Variants in B4GALT3 observed in about 807,000 individuals in gnomAD.
B4GALT3 encodes the protein N-acetyllactosamine synthase.
Under a neutral mutation model 40.7 loss-of-function variants are expected in B4GALT3, and 29 were observed. The observed-to-expected ratio is 0.71, with a 90% CI of 0.53 to 0.97. B4GALT3 has a LOEUF of 0.97. B4GALT3 is among the 50% of genes least tolerant of loss of function. The probability of loss-of-function intolerance (pLI) is 0.00; values close to 1 mark genes in which losing one functional copy is unlikely to be tolerated. For synonymous variants in B4GALT3, 182 were observed against 203.9 expected, an observed-to-expected ratio of 0.89 and a Z score of 0.92; for missense variants, 390 against 522.3, an observed-to-expected ratio of 0.75 and a Z score of 2.47.
rs1234069488 is a variant in B4GALT3, at chr1:161,177,064, T to TACCTTTCCC, written c.-161+350_-161+358dup. 4 of 1,535,102 alleles carry TACCTTTCCC rather than the reference T, an allele frequency of 2.6e-6. No individual in the cohort carries two copies. In the South Asian group the frequency reaches 3.6e-5, roughly 14 times the overall value. On this transcript the variant is annotated intron_variant, in intron 1 of 7. Transcript: ENST00000319769. ...TGGGGGTGGCGTCCTCTACCTTTTC[T>TACCTTTCCC]ACCTTTCCCCTCTTCTAGCGGGGGT...
At chr1:161,173,256 G>A (rs911540252) in intron 6 of B4GALT3, among the ~76,000 whole-genome samples, 1 of 152,210 alleles carries the variant, frequency 6.6e-6, no homozygotes, top group African/African-American at 2.4e-5. Flanking sequence ...ACATGGAGCA[G>A]AGCCCCTCTC....
chr1:161,175,246 C>T lies in B4GALT3; in HGVS notation c.254-18G>A, dbSNP rs1442017102. On this transcript the variant is annotated intron_variant, in intron 3 of 7. Coordinates refer to ENST00000319769, the MANE Select transcript of B4GALT3 (RefSeq NM_003779.4). ...AGGACCCACTGTTGGGAAGGAATGG[C>T]AAGTAGAGGGATCAGAGGGGCAAAG... is the stretch of plus-strand genomic sequence containing the variant. 1.2e-6 allele frequency: 2 copies of T among 1,602,320 alleles called. No homozygotes were observed. The highest frequency in any genetic ancestry group is 1.7e-6 in the Non-Finnish European group (2 of 1,170,812).
At chr1:161,177,043 G>A in intron 1 of B4GALT3, 2 of 1,535,992 alleles carry the variant, frequency 1.3e-6, no homozygotes, top group Non-Finnish European at 8.7e-7. Context: ...GTAGGGTGGG[G>A]GTGGCGTCCT....
At position 161,172,920 on chromosome 1, in the gene B4GALT3, A is replaced by C. The variant is rs530452156; in HGVS notation, c.804-589T>G. ...GAAAAGAAAAGGGTAGAACCAGGTA[A>C]TCAGGACCTTAAAAGAAACAAACTC... On this transcript the variant is annotated intron_variant, in intron 6 of 7. Transcript: ENST00000319769. Among the ~76,000 whole-genome samples, 4 of 152,204 alleles carry C rather than the reference A, an allele frequency of 2.6e-5. No homozygotes were observed. The East Asian group carries it at 7.7e-4, about 29-fold the overall frequency.
Position 161,171,910 on chromosome 1 carries a change from T to C in B4GALT3, c.1088A>G (p.Gln363Arg). ...TTGCAGCATCTCTTGACGGAAGGCT[T>C]GGGAGGAACCAGGTGGGTAACGTGG... ...SGPRYPPGSS[Q>R]AFRQEMLQRR... Residue 363 changes from glutamine to arginine, a missense_variant, in exon 8 of 8, where the codon CAA (glutamine) becomes CGA (arginine). By Grantham distance (43) the Gln-to-Arg change is conservative (BLOSUM62 1). Transcript: ENST00000319769. 1 of 1,614,142 alleles carries C rather than the reference T, an allele frequency of 6.2e-7. No individual in the cohort carries two copies. Among genetic ancestry groups the C allele is most frequent in the Non-Finnish European group, 8.5e-7 (1 of 1,180,002 alleles).
chr1:161,172,426 C>T, intron 6 of B4GALT3, 95 bp from the exon 7 acceptor site: 8 of 1,096,624 alleles, frequency 7.3e-6, no homozygotes, highest in Non-Finnish European at 1.0e-5. Context: ...ACAACTATTA[C>T]TTAGTAGGCA....
At chr1:161,176,100 G>C in intron 2 of B4GALT3, 26 bp from the exon 3 acceptor site, 3 of 1,609,776 alleles carry the variant, frequency 1.9e-6, no homozygotes, top group Non-Finnish European at 2.5e-6. Context: ...GGAATTCTGG[G>C]GGTAGGCAGG....
At chr1:161,173,502 C>T in intron 6 of B4GALT3, 103 bp downstream of exon 6, 2 of 1,535,514 alleles carry the variant, frequency 1.3e-6, no homozygotes, top group Non-Finnish European at 1.8e-6. Context: ...AGTGCAGGAC[C>T]AGGGAGCTAA....
chr1:161,177,008 G>T (rs569756928), intron 1 of B4GALT3: 239 of 1,535,964 alleles, frequency 1.6e-4, no homozygotes, highest in Non-Finnish European at 1.2e-4. Context: ...GGCTGTAAGC[G>T]AACAGCCCCG....
At chr1:161,173,052 T>C (rs1388071378) in intron 6 of B4GALT3, among the ~76,000 whole-genome samples, 2 of 152,088 alleles carry the variant, frequency 1.3e-5, no homozygotes, top group Non-Finnish European at 2.9e-5. Context: ...ATACAGAGGA[T>C]GAGAATTCAC....
intron 1 of B4GALT3, chr1:161,177,064 T>C: frequency 6.5e-7 from 1 of 1,535,102 alleles, no homozygotes; most frequent in Non-Finnish European, 8.7e-7. Context: ...CTACCTTTTC[T>C]ACCTTTCCCC....
At chr1:161,176,398 C>T (rs1409178537) in intron 2 of B4GALT3, 36 bp downstream of exon 2, 5 of 422,048 alleles carry the variant, frequency 1.2e-5, no homozygotes, top group African/African-American at 2.0e-5. Flanking sequence ...TAGAGAACCC[C>T]CTCTTCCAAT....
rs1465763594 is a variant in B4GALT3 at position 161,171,965 on chromosome 1, C to G, written c.1033G>C (p.Asp345His). Residue 345 changes from aspartate to histidine, a missense_variant, in exon 8 of 8, where the codon GAC becomes CAC. Physicochemically the swap from Asp to His is moderately conservative, Grantham distance 81 (BLOSUM62 -1). Transcript: ENST00000319769. ...GAAGGAGCCCGAGGACCCCGAGGGTCAGTCCCAATGTCTGCTGTGATGTTG... is the reference window on the plus strand; with the variant it reads ...GAAGGAGCCCGAGGACCCCGAGGGTGAGTCCCAATGTCTGCTGTGATGTTG... ...YTNITADIGT[D>H]PRGPRAPSGP... 11 of 1,614,158 alleles carry G rather than the reference C, an allele frequency of 6.8e-6. No homozygotes were observed. Among genetic ancestry groups the G allele is most frequent in the Non-Finnish European group, 9.3e-6 (11 of 1,180,026 alleles).
rs1164719315 is a variant in B4GALT3 at position 161,175,986 on chromosome 1, G to A, written c.75C>T (p.Tyr25=). The change falls in exon 3 of 8, where the codon TAC becomes TAT. Residue 25 remains tyrosine (Y), a synonymous_variant. Transcript: ENST00000319769. ...LVGSQLAVMM[Y]LSLGGFRSLS... ...GACTTCGGAAGCCCCCCAGTGACAG[G>A]TACATCATGACAGCCAGCTGGGAGC... 3 of 1,613,976 alleles carry A rather than the reference G, an allele frequency of 1.9e-6. No homozygotes were observed. The highest frequency in any genetic ancestry group is 3.3e-5 in the Admixed American group (2 of 59,990).
intron 3 of B4GALT3, 87 bp from the exon 4 acceptor site, chr1:161,175,315 C>A (rs2101966573): frequency 8.4e-7 from 1 of 1,195,430 alleles, no homozygotes; most frequent in East Asian, 2.5e-5. Context: ...CTGACACTGG[C>A]AGTCTGGTTC....
intron 6 of B4GALT3, among the ~76,000 whole-genome samples, chr1:161,172,632 G>C (rs994859186): frequency 1.3e-5 from 2 of 152,190 alleles, no homozygotes. Context: ...AGGACGCAGA[G>C]AGAGGCCATT....
At chr1:161,174,847 G>A in intron 4 of B4GALT3, 146 bp downstream of exon 4, 1 of 781,836 alleles carries the variant, frequency 1.3e-6, no homozygotes, top group Admixed American at 2.8e-5. Context: ...AAAGTTGGAA[G>A]AGCAGTGCCG....
rs370188042 is a variant in B4GALT3 at position 161,172,125 on chromosome 1, G to A, written c.909-36C>T. 1.2e-5 allele frequency: 20 copies of A among 1,612,864 alleles called. No individual in the cohort carries two copies. The African/African-American group carries it at 1.7e-4, about 14-fold the overall frequency. On this transcript the variant is annotated intron_variant, in intron 7 of 7. Transcript: ENST00000319769. ...GAGGTTGGAGACTAAGACCCAGAAA[G>A]GAACAGCCAGAAATCTAGGGACCTT...
chr1:161,174,924 G>A, intron 4 of B4GALT3, 69 bp downstream of exon 4: 3 of 1,502,494 alleles, frequency 2.0e-6, no homozygotes, highest in Non-Finnish European at 2.8e-6. Context: ...TTAGATGAAA[G>A]TGAAGTGGCA....
Sources: allele counts gnomAD v4.1 joint callset (sites outside exome capture counted in the v4.1 genomes callset), GRCh38; gene constraint gnomAD v4.1.1; transcripts MANE v1.5; gene names NCBI Gene and HGNC (gene_info 2026-07-23, HGNC 2026-07-21).